Variants in PAMR1 observed in about 807,000 individuals in gnomAD.
The protein encoded by PAMR1 is peptidase domain containing associated with muscle regeneration 1.
PAMR1 carries 88 observed loss-of-function variants against 81.8 expected under a neutral mutation model. That is an observed-to-expected ratio of 1.08 (90% CI 0.91 to 1.28). The LOEUF is 1.28. PAMR1 is among the 50% of genes most tolerant of loss of function. The pLI, the probability that PAMR1 is intolerant of heterozygous loss-of-function variation, is 0.00. For missense variants in PAMR1, 935 were observed against 919.7 expected (o/e 1.02, Z -0.21); for synonymous variants, 336 against 345.3 (o/e 0.97, Z 0.30).
chr11:35,456,906 A>G (rs1014674399), intron 6 of PAMR1, among the ~76,000 whole-genome samples: 1 of 152,168 alleles, frequency 6.6e-6, no homozygotes, highest in Non-Finnish European at 1.5e-5. Flanking sequence ...CAGAATATCA[A>G]TTCTTAGATC....
chr11:35,470,826 T>A lies in PAMR1; in HGVS notation c.495-8A>T. On this transcript the variant is annotated splice_region_variant and splice_polypyrimidine_tract_variant and intron_variant, in intron 4 of 10. Transcript: ENST00000619888. ...AGGCTCAACATGACAAATCTGTGGG[T>A]GGACAGGGTGACGGAGGGAAGCAGA... The A allele has an allele frequency of 6.2e-7, 1 of 1,607,980 alleles. No homozygotes were observed. Among genetic ancestry groups the A allele is most frequent in the African/African-American group, 1.3e-5 (1 of 74,814 alleles).
chr11:35,447,690 T>C (rs925745611), intron 6 of PAMR1, among the ~76,000 whole-genome samples: 3 of 152,242 alleles, frequency 2.0e-5, no homozygotes, highest in African/African-American at 7.2e-5. Flanking sequence ...GTCATCGTGA[T>C]GCTCGCTGGT....
intron 1 of PAMR1, among the ~76,000 whole-genome samples, chr11:35,509,355 A>T (rs1851032875): frequency 6.6e-6 from 1 of 152,208 alleles, no homozygotes; most frequent in South Asian, 2.1e-4. Context: ...TTTCCCCTTG[A>T]TCATAATTAC....
chr11:35,502,824 A>G (rs202073511), intron 1 of PAMR1, among the ~76,000 whole-genome samples: 1 of 72,092 alleles, frequency 1.4e-5, no homozygotes, highest in Non-Finnish European at 2.9e-5. Context: ...TTTGCTGTGC[A>G]GAAGCCTTTA....
intron 1 of PAMR1, among the ~76,000 whole-genome samples, chr11:35,523,920 T>C (rs1020554273): frequency 6.6e-6 from 1 of 152,200 alleles, no homozygotes; most frequent in African/African-American, 2.4e-5. Flanking sequence ...GATTCTGGGC[T>C]AGGAAAAAGA....
intron 1 of PAMR1, among the ~76,000 whole-genome samples, chr11:35,503,283 CTTTT>C (rs35661071): frequency 1.9e-4 from 26 of 139,768 alleles, no homozygotes; most frequent in South Asian, 1.3e-3. Context: ...ATGTCTCCAG[CTTTT>C]TTTTTTTTTT....
At chr11:35,451,016 C>T (rs1856407286) in intron 6 of PAMR1, among the ~76,000 whole-genome samples, 1 of 152,204 alleles carries the variant, frequency 6.6e-6, no homozygotes, top group Non-Finnish European at 1.5e-5. Flanking sequence ...ATATTTAAGA[C>T]CAGTCTTGGA....
intron 6 of PAMR1, among the ~76,000 whole-genome samples, chr11:35,458,303 A>G (rs1856576430): frequency 6.6e-6 from 1 of 152,128 alleles, no homozygotes; most frequent in Admixed American, 6.6e-5. Flanking sequence ...TCTCTATCCC[A>G]TCTAATGCTC....
intron 6 of PAMR1, among the ~76,000 whole-genome samples, chr11:35,465,031 G>A (rs1254738109): frequency 6.6e-6 from 1 of 152,172 alleles, no homozygotes; most frequent in African/African-American, 2.4e-5. Flanking sequence ...GAAGCATCTG[G>A]AGTCTCACCA....
chr11:35,510,405 T>G (rs1851050389), intron 1 of PAMR1, among the ~76,000 whole-genome samples: 1 of 152,060 alleles, frequency 6.6e-6, no homozygotes, highest in African/African-American at 2.4e-5. Context: ...TCCTACAGAG[T>G]GGTTTTACTG....
intron 1 of PAMR1, among the ~76,000 whole-genome samples, chr11:35,510,080 T>G (rs1450890300): frequency 3.2e-4 from 48 of 152,210 alleles, no homozygotes; most frequent in Admixed American, 3.1e-3. Flanking sequence ...CATTCATTCA[T>G]CACTAGCTCT....
At chr11:35,507,065 T>TTTTTAA (rs1850976742) in intron 1 of PAMR1, among the ~76,000 whole-genome samples, 1 of 90,748 alleles carries the variant, frequency 1.1e-5, no homozygotes, top group Non-Finnish European at 2.2e-5. Context: ...TTTTTTTTTT[T>TTTTTAA]GACAGAGTTT....
At chr11:35,451,786 C>T (rs1457677240) in intron 6 of PAMR1, 13 of 569,006 alleles carry the variant, frequency 2.3e-5, no homozygotes, top group Admixed American at 6.5e-5. Context: ...CCCTCATGAA[C>T]GAGATTAGTG....
At chr11:35,493,069 T>C (rs2135400744) in intron 2 of PAMR1, among the ~76,000 whole-genome samples, 1 of 152,274 alleles carries the variant, frequency 6.6e-6, no homozygotes, top group South Asian at 2.1e-4. Flanking sequence ...GACTCTGTTC[T>C]TCCCTTCCCT....
Position 35,434,609 on chromosome 11 carries a change from C to T in PAMR1, c.1529G>A (p.Gly510Glu), listed in dbSNP as rs993743389. 3 of 1,613,886 alleles carry T rather than the reference C, an allele frequency of 1.9e-6. No individual in the cohort carries two copies. The highest frequency in any genetic ancestry group is 2.5e-6 in the Non-Finnish European group (3 of 1,179,970). ...VVAAHCVTDL[G>E]KVTMIKTADL... is the part of the protein sequence containing the mutation. ...TGCTGTCTTGATCATGGTGACCTTC[C>T]CCAGGTCAGTAACACAGTGGGCAGC... Residue 510 changes from glycine (G) to glutamate (E), a missense_variant, in exon 10 of 11, where the codon GGG becomes GAG. Coordinates refer to ENST00000619888, the MANE Select transcript of PAMR1 (RefSeq NM_001001991.3).
chr11:35,506,827 T>C (rs895843289), intron 1 of PAMR1, among the ~76,000 whole-genome samples: 4 of 151,852 alleles, frequency 2.6e-5, no homozygotes, highest in Non-Finnish European at 5.9e-5. Flanking sequence ...CTGACCTTCC[T>C]GCATGTGGAT....
Position 35,492,091 on chromosome 11 carries a change from G to A in PAMR1, c.333C>T (p.Phe111=). The A allele has an allele frequency of 2.5e-6, 4 of 1,614,098 alleles. No homozygotes were observed. Among genetic ancestry groups the A allele is most frequent in the Non-Finnish European group, 3.4e-6 (4 of 1,179,964 alleles). ...AGCCTGCTCGGCACTCTGCACAGTAGAACCCCTTCACATAGAAGTCATCCA... is the reference window on the plus strand; with the variant it reads ...AGCCTGCTCGGCACTCTGCACAGTAAAACCCCTTCACATAGAAGTCATCCA... ...GTLDDFYVKG[F]YCAECRAGWY... is the part of the protein sequence containing the mutation. Residue 111 remains phenylalanine (F), a synonymous_variant, in exon 3 of 11, where the codon TTC becomes TTT. Coordinates refer to ENST00000619888, the MANE Select transcript of PAMR1 (RefSeq NM_001001991.3).
intron 7 of PAMR1, among the ~76,000 whole-genome samples, chr11:35,440,765 G>A (rs1856148183): frequency 6.6e-6 from 1 of 152,150 alleles, no homozygotes; most frequent in Admixed American, 6.5e-5. Flanking sequence ...TTCCCAGATT[G>A]CCTCACTTTG....
chr11:35,443,823 G>A (rs1856233997), intron 6 of PAMR1, among the ~76,000 whole-genome samples: 1 of 152,232 alleles, frequency 6.6e-6, no homozygotes, highest in South Asian at 2.1e-4. Context: ...TCCACCAGCA[G>A]TGTAAAAGTG....
Sources: allele counts gnomAD v4.1 joint callset (sites outside exome capture counted in the v4.1 genomes callset), GRCh38; gene constraint gnomAD v4.1.1; transcripts MANE v1.5; gene names NCBI Gene and HGNC (gene_info 2026-07-23, HGNC 2026-07-21).